Variants in PITPNC1 observed in about 807,000 individuals in gnomAD.
PITPNC1 encodes cytoplasmic phosphatidylinositol transfer protein 1.
Under a neutral mutation model 44.7 loss-of-function variants are expected in PITPNC1, and 18 were observed. The observed-to-expected ratio is 0.40, with a 90% confidence interval of 0.28 to 0.60. PITPNC1 has a LOEUF of 0.60. PITPNC1 is among the 20% of genes least tolerant of loss of function. PITPNC1 has a pLI of 0.39. For missense variants in PITPNC1, 290 were observed against 418.4 expected, an observed-to-expected ratio of 0.69 and a Z score of 2.68; for synonymous variants, 141 against 149.6, an observed-to-expected ratio of 0.94 and a Z score of 0.42.
chr17:67,421,432 A>G (rs984278092), intron 1 of PITPNC1, among the ~76,000 whole-genome samples: 1 of 152,032 alleles, frequency 6.6e-6, no homozygotes, highest in Non-Finnish European at 1.5e-5. Flanking sequence ...ACAGGCACTC[A>G]TCACCACGCC....
chr17:67,467,541 C>T (rs2039446369), intron 1 of PITPNC1, among the ~76,000 whole-genome samples: 1 of 152,110 alleles, frequency 6.6e-6, no homozygotes, highest in African/African-American at 2.4e-5. Context: ...GTGGCTCTCG[C>T]AAAATTCTGA....
chr17:67,632,144 T>C lies in PITPNC1; in HGVS notation c.368T>C (p.Ile123Thr). The change falls in exon 6 of 9, where the codon ATT becomes ACT. Residue 123 changes from isoleucine (I) to threonine (T), a missense_variant and splice_region_variant. Coordinates refer to ENST00000581322, the MANE Select transcript of PITPNC1 (RefSeq NM_012417.4). ...TGATATGTTGCTCTGCTTTTTCAGATTTTCGACAATGAAGCCAAAGACGTG... is the reference window on the plus strand; with the variant it reads ...TGATATGTTGCTCTGCTTTTTCAGACTTTCGACAATGAAGCCAAAGACGTG... Reference protein sequence around the residue: ...YEDNKGSNDTIFDNEAKDVER... With the variant: ...YEDNKGSNDTTFDNEAKDVER... The C allele has an allele frequency of 6.2e-7, 1 of 1,605,936 alleles. No homozygotes were observed. The highest frequency in any genetic ancestry group is 8.5e-7 in the Non-Finnish European group (1 of 1,172,670).
rs117407477 is a variant in PITPNC1 at position 67,476,009 on chromosome 17, A to G, written c.49-56793A>G. On this transcript the variant is annotated intron_variant, in intron 1 of 8. Coordinates refer to ENST00000581322, the MANE Select transcript of PITPNC1 (RefSeq NM_012417.4). ...GAATTTGATATTGAGGGACAGTATT[A>G]ACTCCTCACTCTAATCAAAGAAGCT... 3.7e-3 allele frequency among the ~76,000 whole-genome samples: 562 copies of G among 152,240 alleles called. 3 individuals carry two copies. The highest frequency in any genetic ancestry group is 6.3e-3 in the Non-Finnish European group (430 of 68,012).
chr17:67,635,480 A>G (rs2042022052), intron 6 of PITPNC1, among the ~76,000 whole-genome samples: 1 of 152,136 alleles, frequency 6.6e-6, no homozygotes. Flanking sequence ...GGATTTTGTG[A>G]TGTCAGTGAG....
At position 67,431,743 on chromosome 17, in the gene PITPNC1, GC is replaced by G. The variant is rs1201954978; in HGVS notation, c.48+53542del. On this transcript the variant is annotated intron_variant, in intron 1 of 8. Coordinates refer to ENST00000581322, the MANE Select transcript of PITPNC1 (RefSeq NM_012417.4). ...CTTCGAGTCATAAACACAGAGGCAT[GC>G]ATAGTTCACACATCTCCATGTATTT... Among the ~76,000 whole-genome samples the G allele has an allele frequency of 9.8e-5, 15 of 152,286 alleles. No homozygotes were observed. In the East Asian group the frequency reaches 2.7e-3, roughly 27 times the overall value.
chr17:67,600,197 G>C (rs2041522649), intron 5 of PITPNC1, among the ~76,000 whole-genome samples: 1 of 152,072 alleles, frequency 6.6e-6, no homozygotes, highest in Non-Finnish European at 1.5e-5. Context: ...TCTGCTCTTA[G>C]AAGGCAACTG....
intron 1 of PITPNC1, among the ~76,000 whole-genome samples, chr17:67,436,916 T>TG (rs2038945690): frequency 8.2e-6 from 1 of 122,136 alleles, no homozygotes; most frequent in African/African-American, 3.2e-5. Flanking sequence ...GTGTTTTTTT[T>TG]TTTTTTTTTT....
At chr17:67,496,729 A>G (rs933388831) in intron 1 of PITPNC1, among the ~76,000 whole-genome samples, 2 of 152,220 alleles carry the variant, frequency 1.3e-5, no homozygotes, top group African/African-American at 4.8e-5. Context: ...GTGATCACAG[A>G]AGGTTAGCAG....
At chr17:67,522,167 G>A (rs958929944) in intron 1 of PITPNC1, among the ~76,000 whole-genome samples, 1 of 152,100 alleles carries the variant, frequency 6.6e-6, no homozygotes, top group African/African-American at 2.4e-5. Context: ...AGCCGGGCGT[G>A]GTGGCACACG....
intron 1 of PITPNC1, among the ~76,000 whole-genome samples, chr17:67,512,772 C>CTTT (rs66468403): frequency 4.8e-5 from 7 of 146,898 alleles, no homozygotes; most frequent in African/African-American, 1.5e-4. Flanking sequence ...ATTTTATTGA[C>CTTT]TTTTTTTTTT....
intron 1 of PITPNC1, among the ~76,000 whole-genome samples, chr17:67,389,356 G>A (rs2038102487): frequency 6.6e-6 from 1 of 152,260 alleles, no homozygotes; most frequent in Non-Finnish European, 1.5e-5. Flanking sequence ...CTCCTAGGGA[G>A]ATTAGCTGAA....
intron 1 of PITPNC1, among the ~76,000 whole-genome samples, chr17:67,430,266 G>T (rs890630849): frequency 6.6e-6 from 1 of 152,104 alleles, no homozygotes; most frequent in East Asian, 1.9e-4. Context: ...AGCACTTTGG[G>T]AGGCTGAGGT....
At chr17:67,625,810 G>A (rs2041888735) in intron 5 of PITPNC1, among the ~76,000 whole-genome samples, 1 of 152,038 alleles carries the variant, frequency 6.6e-6, no homozygotes, top group Non-Finnish European at 1.5e-5. Context: ...GAATGTTAAT[G>A]GTCACCTGGG....
chr17:67,414,098 G>GAAA (rs200463268), intron 1 of PITPNC1, among the ~76,000 whole-genome samples: 4 of 145,364 alleles, frequency 2.8e-5, no homozygotes, highest in African/African-American at 5.0e-5. Flanking sequence ...AGTTTGAACT[G>GAAA]AAAAAAAAAA....
intron 1 of PITPNC1, chr17:67,525,465 C>A (rs1054902647): frequency 1.3e-5 from 2 of 152,352 alleles, no homozygotes; most frequent in South Asian, 2.1e-4. Flanking sequence ...CTTTGCCAAC[C>A]ATTAGACTAG....
At chr17:67,429,898 C>G (rs1338881320) in intron 1 of PITPNC1, among the ~76,000 whole-genome samples, 2 of 152,132 alleles carry the variant, frequency 1.3e-5, no homozygotes, top group Non-Finnish European at 2.9e-5. Flanking sequence ...ATAAATTTAG[C>G]TTTCTGAAAA....
At chr17:67,596,895 T>G (rs989018931) in intron 5 of PITPNC1, among the ~76,000 whole-genome samples, 1 of 144,476 alleles carries the variant, frequency 6.9e-6, no homozygotes, top group African/African-American at 2.5e-5. Flanking sequence ...TCTGAACCAA[T>G]TTTTTTTTTT....
At chr17:67,476,129 A>G (rs1298493604) in intron 1 of PITPNC1, among the ~76,000 whole-genome samples, 1 of 151,904 alleles carries the variant, frequency 6.6e-6, no homozygotes, top group Non-Finnish European at 1.5e-5. Flanking sequence ...ATTTATACCA[A>G]CACATCCCCA....
At chr17:67,579,739 G>T (rs960307489) in intron 5 of PITPNC1, among the ~76,000 whole-genome samples, 1 of 147,778 alleles carries the variant, frequency 6.8e-6, no homozygotes, top group Non-Finnish European at 1.5e-5. Flanking sequence ...AGGGGTTCAA[G>T]ACCAGCCTGG....
Sources: allele counts gnomAD v4.1 joint callset (sites outside exome capture counted in the v4.1 genomes callset), GRCh38; gene constraint gnomAD v4.1.1; transcripts MANE v1.5; gene names NCBI Gene and HGNC (gene_info 2026-07-23, HGNC 2026-07-21).